CHODL: variants seen among roughly 807,000 people sequenced by gnomAD.
CHODL encodes the protein chondrolectin, also known as transmembrane protein MT75.
A neutral mutation model predicts 34.5 loss-of-function variants in CHODL; 29 were observed. That is an observed-to-expected ratio of 0.84 (90% CI 0.63 to 1.15). CHODL has a LOEUF of 1.15. CHODL is among the 50% of genes most tolerant of loss of function. The pLI is 0.00. For synonymous variants in CHODL, 125 were observed against 116.1 expected (o/e 1.08, Z -0.49); for missense variants, 332 against 332.5 (o/e 1.00, Z 0.01).
At chr21:18,104,497 A>T (rs202237616) in intron 2 of CHODL, among the ~76,000 whole-genome samples, 2 of 152,176 alleles carry the variant, frequency 1.3e-5, no homozygotes, top group East Asian at 3.9e-4. Context: ...TAAATTTCCC[A>T]GTCTCAGGCA....
chr21:18,238,458 G>T (rs2074050366), intron 2 of CHODL, among the ~76,000 whole-genome samples: 1 of 152,066 alleles, frequency 6.6e-6, no homozygotes, highest in Non-Finnish European at 1.5e-5. Flanking sequence ...CTACCTTGAG[G>T]ACAATATGGG....
intron 2 of CHODL, among the ~76,000 whole-genome samples, chr21:18,220,105 G>A (rs966242427): frequency 2.0e-5 from 3 of 152,038 alleles, no homozygotes; most frequent in African/African-American, 4.8e-5. Context: ...TTTGATTTTT[G>A]TATATGATAG....
At chr21:18,132,459 T>G (rs1254790650) in intron 2 of CHODL, among the ~76,000 whole-genome samples, 1 of 152,152 alleles carries the variant, frequency 6.6e-6, no homozygotes, top group Non-Finnish European at 1.5e-5. Context: ...TAAAAGTGAG[T>G]TCTTTGACAT....
At chr21:18,048,274 A>G (rs1024845377) in intron 2 of CHODL, among the ~76,000 whole-genome samples, 12 of 151,938 alleles carry the variant, frequency 7.9e-5, no homozygotes, top group African/African-American at 2.7e-4. Flanking sequence ...AGGAATTTCA[A>G]TGTTTCTTGG....
intron 1 of CHODL, among the ~76,000 whole-genome samples, chr21:18,249,109 A>G (rs1227813797): frequency 1.7e-5 from 2 of 118,956 alleles, no homozygotes; most frequent in East Asian, 4.5e-4. Flanking sequence ...ATATAATAAT[A>G]TATATATAAT....
intron 1 of CHODL, among the ~76,000 whole-genome samples, chr21:17,925,758 T>C (rs1035619489): frequency 6.6e-6 from 1 of 152,230 alleles, no homozygotes; most frequent in Non-Finnish European, 1.5e-5. Context: ...TCCAGGACTA[T>C]AAGTGAGCCA....
chr21:18,102,492 T>C (rs2065227642), intron 2 of CHODL, among the ~76,000 whole-genome samples: 1 of 152,174 alleles, frequency 6.6e-6, no homozygotes, highest in Non-Finnish European at 1.5e-5. Context: ...TATAAAAATA[T>C]GTCAGTGAAA....
intron 1 of CHODL, among the ~76,000 whole-genome samples, chr21:17,954,158 C>T (rs1034067406): frequency 2.0e-5 from 3 of 151,778 alleles, no homozygotes; most frequent in Non-Finnish European, 2.9e-5. Context: ...GATTTTAAGA[C>T]AAGGAGTATT....
intron 2 of CHODL, among the ~76,000 whole-genome samples, chr21:18,163,882 C>T (rs2073124990): frequency 6.6e-6 from 1 of 152,108 alleles, no homozygotes; most frequent in African/African-American, 2.4e-5. Flanking sequence ...CACATGTTAT[C>T]ATTTTACTGA....
intron 4 of CHODL, among the ~76,000 whole-genome samples, chr21:18,261,845 GAATTT>G (rs1311115865): frequency 6.6e-6 from 1 of 152,038 alleles, no homozygotes; most frequent in Non-Finnish European, 1.5e-5. Context: ...ATTCATTTTA[GAATTT>G]AATTAAGATC....
chr21:18,073,607 C>A (rs1359548923), intron 2 of CHODL, among the ~76,000 whole-genome samples: 1 of 151,930 alleles, frequency 6.6e-6, no homozygotes, highest in African/African-American at 2.4e-5. Flanking sequence ...AATGATTATT[C>A]AACCGGCATT....
intron 2 of CHODL, among the ~76,000 whole-genome samples, chr21:18,219,486 A>G (rs1259184941): frequency 1.3e-5 from 2 of 152,080 alleles, no homozygotes; most frequent in African/African-American, 4.8e-5. Flanking sequence ...GACACAGCCA[A>G]ACCATATCAA....
rs1391295592 is a variant in CHODL, at chr21:18,145,393, C to T, written c.-44-111116C>T. 4.9e-5 allele frequency among the ~76,000 whole-genome samples: 7 copies of T among 141,940 alleles called. No homozygotes were observed. In the South Asian group the frequency reaches 1.4e-3, roughly 29 times the overall value. The allele number at this position is 141,940 out of a possible 152,430, so 93.1% of individuals were successfully genotyped here. A position where few individuals can be genotyped will look rare whatever the true frequency, so the allele number is the denominator to read the frequency against. On this transcript the variant is annotated intron_variant, in intron 2 of 6. Transcript: ENST00000400127. ...CGGAGCTGGCAGTGAGCCAAGATCGCGCCACTGCACTCCAGCCTAGGGGAC... is the reference window on the plus strand; with the variant it reads ...CGGAGCTGGCAGTGAGCCAAGATCGTGCCACTGCACTCCAGCCTAGGGGAC...
chr21:18,076,358 A>G (rs1344045060), intron 2 of CHODL, among the ~76,000 whole-genome samples: 1 of 152,168 alleles, frequency 6.6e-6, no homozygotes, highest in African/African-American at 2.4e-5. Context: ...GTGGCAAAAA[A>G]CTTTGTTCAA....
chr21:18,108,480 T>C (rs1183937321), intron 2 of CHODL, among the ~76,000 whole-genome samples: 1 of 152,258 alleles, frequency 6.6e-6, no homozygotes, highest in African/African-American at 2.4e-5. Context: ...CTTAGCCATT[T>C]TGGGCTTCAC....
chr21:18,065,683 T>C (rs1431232340), intron 2 of CHODL, among the ~76,000 whole-genome samples: 2 of 152,186 alleles, frequency 1.3e-5, no homozygotes, highest in Non-Finnish European at 1.5e-5. Flanking sequence ...ATCAGTGTTT[T>C]AGCAAAGCAA....
chr21:17,938,531 T>A (rs1231669740), intron 1 of CHODL, among the ~76,000 whole-genome samples: 1 of 124,140 alleles, frequency 8.1e-6, no homozygotes, highest in Admixed American at 1.1e-4. Context: ...CAGGCTGGAG[T>A]GCAGTGGCTC....
chr21:18,004,832 C>CA (rs66656507), intron 1 of CHODL, among the ~76,000 whole-genome samples: 6,339 of 129,370 alleles, frequency 0.049, 283 homozygotes, highest in African/African-American at 0.13. Context: ...TAAAAAATTG[C>CA]AAAAAAAAAA....
At chr21:18,238,714 T>A (rs2074053238) in intron 2 of CHODL, among the ~76,000 whole-genome samples, 1 of 152,098 alleles carries the variant, frequency 6.6e-6, no homozygotes, top group African/African-American at 2.4e-5. Context: ...TTTCCAGAAG[T>A]CTTTACAGTC....
Sources: gnomAD v4.1 joint callset for allele counts (sites outside exome capture counted in the v4.1 genomes callset) on GRCh38, gnomAD v4.1.1 for gene constraint, MANE v1.5 for transcripts, NCBI Gene and HGNC (gene_info 2026-07-23, HGNC 2026-07-21) for gene names.